The following MTUS2 variants were observed in gnomAD, a reference collection of about 807,000 sequenced individuals.
The protein encoded by MTUS2 is microtubule-associated tumor suppressor candidate 2.
MTUS2 carries 40 observed loss-of-function variants against 114.1 expected under a neutral mutation model. The ratio of observed to expected loss-of-function variants is 0.35; its 90% CI spans 0.27 to 0.46. The LOEUF (loss-of-function observed/expected upper bound fraction) is 0.46, where lower values mean the gene tolerates loss of function less well. MTUS2 is among the 20% of genes least tolerant of loss of function. The pLI is 1.00. For synonymous variants in MTUS2, 688 were observed against 672.0 expected (o/e 1.02, Z -0.37); for missense variants, 1,679 against 1,705.4 (o/e 0.98, Z 0.27).
At chr13:29,051,273 C>T (rs577258952) in intron 4 of MTUS2, among the ~76,000 whole-genome samples, 181 of 152,204 alleles carry the variant, frequency 1.2e-3, no homozygotes, top group Non-Finnish European at 2.2e-3. Context: ...AACAGAGGAA[C>T]CAATCATGAC....
chr13:29,192,354 A>G (rs1251491941), intron 5 of MTUS2, among the ~76,000 whole-genome samples: 2 of 152,248 alleles, frequency 1.3e-5, no homozygotes, highest in Non-Finnish European at 2.9e-5. Flanking sequence ...AAGTTGATGT[A>G]GAAGTAAAAA....
At chr13:29,146,476 CAAT>C (rs71979286) in intron 5 of MTUS2, among the ~76,000 whole-genome samples, 6,563 of 152,208 alleles carry the variant, frequency 0.043, 482 homozygotes, top group African/African-American at 0.15. Context: ...TTTAGAACAA[CAAT>C]GTCTGAACAA....
chr13:29,501,236 G>A lies in MTUS2; in HGVS notation c.3896+42G>A, dbSNP rs755887812. 5 of 1,481,490 alleles carry A rather than the reference G, an allele frequency of 3.4e-6. No homozygotes were observed. In the South Asian group the frequency reaches 5.7e-5, roughly 17 times the overall value. The allele number at this position is 1,481,490 out of a possible 1,614,324, so 91.8% of individuals were successfully genotyped here. A position where few individuals can be genotyped will look rare whatever the true frequency, so the allele number is the denominator to read the frequency against. ...TCACCTACAAAGTGACTTTCCTCTT[G>A]AGCTTCTTTTTGTTGCAACATCCAG... On this transcript the variant is annotated intron_variant, in intron 15 of 15. Coordinates refer to ENST00000612955, the MANE Select transcript of MTUS2 (RefSeq NM_001033602.4).
chr13:28,998,220 C>G (rs1306974928), intron 2 of MTUS2, among the ~76,000 whole-genome samples: 1 of 152,150 alleles, frequency 6.6e-6, no homozygotes, highest in Non-Finnish European at 1.5e-5. Flanking sequence ...ATATTGTCCC[C>G]CACTCTCTTC....
intron 14 of MTUS2, among the ~76,000 whole-genome samples, chr13:29,499,968 C>T (rs993393106): frequency 1.1e-4 from 17 of 152,224 alleles, no homozygotes; most frequent in African/African-American, 4.1e-4. Context: ...CTAGGGCTGG[C>T]GGGGAGCTAC....
At chr13:28,991,411 C>T (rs1033926694) in intron 2 of MTUS2, among the ~76,000 whole-genome samples, 1 of 150,166 alleles carries the variant, frequency 6.7e-6, no homozygotes, top group Non-Finnish European at 1.5e-5. Flanking sequence ...CTCTGCCACC[C>T]AGGCTGGAGT....
chr13:28,922,131 A>G (rs1386921213), intron 2 of MTUS2, among the ~76,000 whole-genome samples: 5 of 152,088 alleles, frequency 3.3e-5, no homozygotes, highest in Non-Finnish European at 7.4e-5. Flanking sequence ...AAAAGTGTGT[A>G]GCACCTCCCC....
At chr13:28,969,464 T>C (rs919673773) in intron 2 of MTUS2, among the ~76,000 whole-genome samples, 2 of 152,030 alleles carry the variant, frequency 1.3e-5, no homozygotes, top group African/African-American at 4.8e-5. Flanking sequence ...ATTATGATGA[T>C]TATTATTTTT....
At chr13:29,317,351 G>A (rs1452124992) in intron 6 of MTUS2, among the ~76,000 whole-genome samples, 3 of 152,060 alleles carry the variant, frequency 2.0e-5, no homozygotes, top group Non-Finnish European at 4.4e-5. Flanking sequence ...ATTACTATTG[G>A]CAGCTGAAAA....
At chr13:28,943,505 A>G (rs1882356517) in intron 2 of MTUS2, among the ~76,000 whole-genome samples, 1 of 152,214 alleles carries the variant, frequency 6.6e-6, no homozygotes, top group South Asian at 2.1e-4. Context: ...GTGACATGTT[A>G]GACTGCACGT....
rs144258551 is a variant in MTUS2, at chr13:29,389,536, C to CCT, written c.3117+30063_3117+30064insCT. 2.6e-5 allele frequency among the ~76,000 whole-genome samples: 2 copies of CCT among 77,682 alleles called. 1 individual carries two copies. The highest frequency in any genetic ancestry group is 1.4e-4 in the African/African-American group (2 of 14,438). 51.0% of individuals were successfully genotyped at this position (77,682 alleles called of 152,430 possible). A position where few individuals can be genotyped will look rare whatever the true frequency, so the allele number is the denominator to read the frequency against. On this transcript the variant is annotated intron_variant, in intron 8 of 15. Coordinates refer to ENST00000612955, the MANE Select transcript of MTUS2 (RefSeq NM_001033602.4). ...GTGTGTATGTGTATATATGTATACACGTGTGTATATGTATACACGTGTGTA... is the reference window on the plus strand; with the variant it reads ...GTGTGTATGTGTATATATGTATACACCTGTGTGTATATGTATACACGTGTGTA...
At chr13:28,830,914 A>G (rs1424536644) in intron 1 of MTUS2, among the ~76,000 whole-genome samples, 1 of 152,204 alleles carries the variant, frequency 6.6e-6, no homozygotes, top group Non-Finnish European at 1.5e-5. Flanking sequence ...AGAATTCTAT[A>G]TCCAGCAAAA....
chr13:29,344,267 T>C (rs1868441677), intron 7 of MTUS2, among the ~76,000 whole-genome samples: 1 of 152,140 alleles, frequency 6.6e-6, no homozygotes, highest in Admixed American at 6.5e-5. Flanking sequence ...CCGCTGTTAT[T>C]GTGCTGCCAT....
intron 5 of MTUS2, among the ~76,000 whole-genome samples, chr13:29,157,489 T>A (rs1892910055): frequency 6.6e-6 from 1 of 152,178 alleles, no homozygotes. Context: ...ATTCTGTTTG[T>A]GTCAACGTTG....
At chr13:28,823,296 A>G (rs1337325798) in intron 1 of MTUS2, among the ~76,000 whole-genome samples, 1 of 152,210 alleles carries the variant, frequency 6.6e-6, no homozygotes. Context: ...GAAGGACTAG[A>G]TGAGTATCTG....
At chr13:29,455,927 G>A (rs1397997595) in intron 9 of MTUS2, among the ~76,000 whole-genome samples, 1 of 152,102 alleles carries the variant, frequency 6.6e-6, no homozygotes, top group African/African-American at 2.4e-5. Flanking sequence ...GTTGCAGTGA[G>A]CTATGATTAC....
chr13:28,991,844 T>G (rs542604122), intron 2 of MTUS2, among the ~76,000 whole-genome samples: 1 of 152,172 alleles, frequency 6.6e-6, no homozygotes, highest in Non-Finnish European at 1.5e-5. Context: ...TCTGATCCTG[T>G]GTCTCAGGTC....
At chr13:29,076,927 AT>A (rs1889218721) in intron 4 of MTUS2, among the ~76,000 whole-genome samples, 1 of 152,190 alleles carries the variant, frequency 6.6e-6, no homozygotes, top group African/African-American at 2.4e-5. Flanking sequence ...AATGCCTATC[AT>A]TTGTTGGGTG....
chr13:28,830,410 A>C (rs1440320882), intron 1 of MTUS2, among the ~76,000 whole-genome samples: 1 of 152,174 alleles, frequency 6.6e-6, no homozygotes, highest in Non-Finnish European at 1.5e-5. Context: ...AAAGTAGAAA[A>C]ATGATGTCTC....
Sources: allele counts gnomAD v4.1 joint callset (sites outside exome capture counted in the v4.1 genomes callset), GRCh38; gene constraint gnomAD v4.1.1; transcripts MANE v1.5; gene names NCBI Gene and HGNC (gene_info 2026-07-23, HGNC 2026-07-21).